Variants in ACTR3B observed in about 807,000 individuals in gnomAD.
ACTR3B encodes actin related protein 3B.
ACTR3B carries 8 observed loss-of-function variants against 59.0 expected under a neutral mutation model. The ratio of observed to expected loss-of-function variants is 0.14; its 90% confidence interval spans 0.08 to 0.24. ACTR3B has a LOEUF of 0.24. Ranked by LOEUF, ACTR3B falls within the 10% of genes least tolerant of loss-of-function variation. The probability of loss-of-function intolerance (pLI) is 1.00; values close to 1 mark genes in which losing one functional copy is unlikely to be tolerated. For synonymous variants in ACTR3B, 148 were observed against 197.9 expected (o/e 0.75, Z 2.12); for missense variants, 245 against 552.3 (o/e 0.44, Z 5.58).
intron 4 of ACTR3B, among the ~76,000 whole-genome samples, chr7:152,807,734 T>C (rs1455448728): frequency 1.3e-5 from 2 of 152,256 alleles, no homozygotes; most frequent in Non-Finnish European, 2.9e-5. Flanking sequence ...TTTGACCTTA[T>C]ACATTTTTCC....
chr7:152,810,370 G>A (rs1259104935), intron 4 of ACTR3B, among the ~76,000 whole-genome samples: 1 of 150,092 alleles, frequency 6.7e-6, no homozygotes, highest in Non-Finnish European at 1.5e-5. Flanking sequence ...GCCTCCCAAA[G>A]TGCTGGGATT....
At chr7:152,811,956 C>T (rs1563118384) in intron 4 of ACTR3B, 1 of 121,170 alleles carries the variant, frequency 8.3e-6, no homozygotes, top group Admixed American at 9.9e-5. Flanking sequence ...AACTTGATAA[C>T]ATTTTTTTCC....
intron 6 of ACTR3B, among the ~76,000 whole-genome samples, chr7:152,817,375 C>T (rs1795787541): frequency 1.3e-5 from 2 of 150,974 alleles, no homozygotes; most frequent in African/African-American, 2.4e-5. Flanking sequence ...AGCGAAACTC[C>T]GTCTCAAAAA....
At chr7:152,830,594 G>A (rs1032566563) in intron 9 of ACTR3B, among the ~76,000 whole-genome samples, 72 of 152,280 alleles carry the variant, frequency 4.7e-4, no homozygotes, top group African/African-American at 1.7e-3. Flanking sequence ...TGTCGCCCAC[G>A]CTGAAGTGCG....
intron 9 of ACTR3B, among the ~76,000 whole-genome samples, chr7:152,837,981 G>A (rs1206699393): frequency 1.4e-5 from 2 of 145,148 alleles, no homozygotes; most frequent in African/African-American, 5.3e-5. Context: ...ATCTGGGCGA[G>A]GGGGGAGGTA....
At chr7:152,805,981 A>G (rs2098251073) in intron 4 of ACTR3B, among the ~76,000 whole-genome samples, 1 of 152,236 alleles carries the variant, frequency 6.6e-6, no homozygotes, top group Non-Finnish European at 1.5e-5. Flanking sequence ...AATCAATACC[A>G]GGTGATAATT....
intron 10 of ACTR3B, among the ~76,000 whole-genome samples, chr7:152,852,906 C>G (rs1176179594): frequency 6.6e-6 from 1 of 152,078 alleles, no homozygotes; most frequent in African/African-American, 2.4e-5. Context: ...ATTCTCCTGC[C>G]TCAGCCTATT....
At chr7:152,778,227 AT>A (rs58107330) in intron 1 of ACTR3B, among the ~76,000 whole-genome samples, 1,998 of 129,660 alleles carry the variant, frequency 0.015, 31 homozygotes, top group East Asian at 0.04. Flanking sequence ...TTGAGCCTAG[AT>A]TTTTTTTTTT....
chr7:152,833,268 A>ACT lies in ACTR3B; in HGVS notation c.951+8146_951+8147insCT, dbSNP rs1473861287. Among the ~76,000 whole-genome samples, 45 of 152,342 alleles carry ACT rather than the reference A, an allele frequency of 3.0e-4. No homozygotes were observed. The South Asian group carries it at 8.3e-3, about 28-fold the overall frequency. On this transcript the variant is annotated intron_variant, in intron 9 of 11. Transcript: ENST00000256001. ...GTCCCTTCCCATCAGGCGGCCGTTG[A>ACT]GGGCTGGACCTGGAGATTGGCTTGG...
In ACTR3B at chr7:152,760,633, C is replaced by T. The variant is rs147256340; in HGVS notation, c.44+707C>T. 2.9e-3 allele frequency among the ~76,000 whole-genome samples: 445 copies of T among 152,296 alleles called. 5 individuals carry two copies. Among genetic ancestry groups the T allele is most frequent in the Non-Finnish European group, 3.0e-3 (207 of 68,024 alleles). On this transcript the variant is annotated intron_variant, in intron 1 of 11. Coordinates refer to ENST00000256001, the MANE Select transcript of ACTR3B (RefSeq NM_020445.6). ...TAAAAAGACTCCATTTTGAAAAATA[C>T]CCTAAATTTGGGAGAGCATGTTTGT...
intron 2 of ACTR3B, among the ~76,000 whole-genome samples, chr7:152,791,595 G>A (rs571681491): frequency 1.3e-4 from 20 of 152,294 alleles, no homozygotes; most frequent in Non-Finnish European, 2.8e-4. Flanking sequence ...CCCAGGAAAC[G>A]GATGTTGGTA....
At chr7:152,831,442 G>T (rs1190668706) in intron 9 of ACTR3B, among the ~76,000 whole-genome samples, 1 of 152,254 alleles carries the variant, frequency 6.6e-6, no homozygotes, top group African/African-American at 2.4e-5. Flanking sequence ...GTGCTCTCCA[G>T]TGGTGCTCGG....
At chr7:152,763,240 G>A (rs1489362409) in intron 1 of ACTR3B, among the ~76,000 whole-genome samples, 1 of 140,818 alleles carries the variant, frequency 7.1e-6, no homozygotes, top group East Asian at 2.3e-4. Context: ...ACTTGAATCC[G>A]AGAGGCGGAA....
chr7:152,780,570 T>G (rs1210618164), intron 1 of ACTR3B, among the ~76,000 whole-genome samples: 1 of 151,976 alleles, frequency 6.6e-6, no homozygotes, highest in Non-Finnish European at 1.5e-5. Context: ...ATTTTAGAGT[T>G]GTGAGCCTAA....
intron 9 of ACTR3B, 43 bp from the exon 10 acceptor site, chr7:152,852,083 C>T (rs776044411): frequency 2.9e-5 from 46 of 1,613,286 alleles, no homozygotes; most frequent in South Asian, 1.8e-4. Flanking sequence ...GAACTGTGGG[C>T]GGGCGGTTTT....
chr7:152,842,231 T>C (rs756446456), intron 9 of ACTR3B, among the ~76,000 whole-genome samples: 17 of 152,246 alleles, frequency 1.1e-4, no homozygotes, highest in Non-Finnish European at 2.5e-4. Context: ...TGATAAAGTT[T>C]ATAAATTAGG....
chr7:152,764,479 A>AT (rs1279994893), intron 1 of ACTR3B, among the ~76,000 whole-genome samples: 5 of 151,920 alleles, frequency 3.3e-5, no homozygotes. Context: ...TAAAAAAAAA[A>AT]AGAAATACAA....
At chr7:152,792,452 T>A (rs1267118880) in intron 2 of ACTR3B, among the ~76,000 whole-genome samples, 2 of 152,086 alleles carry the variant, frequency 1.3e-5, no homozygotes, top group East Asian at 1.9e-4. Context: ...TATTTTTTTT[T>A]AATTAAAGAA....
intron 9 of ACTR3B, among the ~76,000 whole-genome samples, chr7:152,838,580 T>C (rs1368409660): frequency 6.6e-6 from 1 of 151,764 alleles, no homozygotes; most frequent in African/African-American, 2.4e-5. Context: ...ATACCTAATG[T>C]AGATGACGGG....
Sources: allele counts gnomAD v4.1 joint callset (sites outside exome capture counted in the v4.1 genomes callset), GRCh38; gene constraint gnomAD v4.1.1; transcripts MANE v1.5; gene names NCBI Gene and HGNC (gene_info 2026-07-23, HGNC 2026-07-21).